The following MACF1 variants were observed in gnomAD, a reference collection of about 807,000 sequenced individuals.
MACF1 encodes the protein microtubule actin crosslinking factor 1, also known as microtubule-actin cross-linking factor 1.
MACF1 carries 193 observed loss-of-function variants against 854.8 expected under a neutral mutation model. The observed-to-expected ratio is 0.23, with a 90% confidence interval of 0.20 to 0.25. MACF1 has a LOEUF of 0.25. Among genes scored for constraint, MACF1 ranks in the 10% least tolerant of loss-of-function variants. The pLI, the probability that MACF1 is intolerant of heterozygous loss-of-function variation, is 1.00. For missense variants in MACF1, 7,722 were observed against 8,929.1 expected (o/e 0.86, Z 5.45); for synonymous variants, 3,185 against 3,226.7 (o/e 0.99, Z 0.44).
At chr1:39,173,353 A>AGAC (rs56293820) in intron 2 of MACF1, among the ~76,000 whole-genome samples, 1 of 142,678 alleles carries the variant, frequency 7.0e-6, no homozygotes, top group Non-Finnish European at 1.6e-5. Context: ...AAAAAAAAAA[A>AGAC]AGAAAGAAAG....
At chr1:39,413,636 TGCCCACCCCAGAGGA>T in intron 58 of MACF1, 1 of 1,548,244 alleles carries the variant, frequency 6.5e-7, no homozygotes, top group Non-Finnish European at 8.7e-7. Flanking sequence ...GCTGCTGCAG[TGCCCACCCCAGAGGA>T]GCCCGCCTCC....
At position 39,317,389 on chromosome 1, in the gene MACF1, T is replaced by C. The variant is rs1450358151; in HGVS notation, c.3764T>C (p.Ile1255Thr). The C allele has an allele frequency of 6.2e-7, 1 of 1,612,838 alleles. No individual in the cohort carries two copies. The highest frequency in any genetic ancestry group is 1.1e-5 in the South Asian group (1 of 91,008). ...CTGCAGGAGCGTTGGCACCGAGTCA[T>C]TGCCCAGCTCGAGATTCGGTGAGTG... ...SQLQERWHRVIAQLEIRQSEL... is the reference protein window; with the variant it reads ...SQLQERWHRVTAQLEIRQSEL... The change falls in exon 29 of 101, where the codon ATT becomes ACT. Residue 1255 changes from isoleucine (I) to threonine (T), a missense_variant. Ile to Thr is a moderately conservative substitution (Grantham distance 89, BLOSUM62 -1). Around this residue, in one of 15 missense-constraint regions of MACF1, gnomAD observed 1,137 missense variants for 1,263.0 expected, o/e 0.90. Coordinates refer to ENST00000564288, the MANE Select transcript of MACF1 (RefSeq NM_001394062.1).
chr1:39,250,680 C>T (rs1184161971), intron 3 of MACF1, among the ~76,000 whole-genome samples: 3 of 151,954 alleles, frequency 2.0e-5, no homozygotes, highest in African/African-American at 4.8e-5. Flanking sequence ...GGATATAGAA[C>T]ATCTGGGCTC....
At chr1:39,311,951 A>AG (rs1646309717) in intron 26 of MACF1, among the ~76,000 whole-genome samples, 1 of 152,182 alleles carries the variant, frequency 6.6e-6, no homozygotes, top group Non-Finnish European at 1.5e-5. Context: ...GAAGAGTGAG[A>AG]GGGAAGTATG....
chr1:39,388,193 G>A lies in MACF1; in HGVS notation c.15351G>A (p.Lys5117=), dbSNP rs1441747236. 4 of 1,614,062 alleles carry A rather than the reference G, an allele frequency of 2.5e-6. No homozygotes were observed. Among genetic ancestry groups the A allele is most frequent in the Non-Finnish European group, 3.4e-6 (4 of 1,180,052 alleles). Reference sequence around the variant, plus strand: ...GTGGTTGTGTGATGATGGAAAACAAGCTGGAGGGGATTGGCCAGTTTCACT... The same window carrying A: ...GTGGTTGTGTGATGATGGAAAACAAACTGGAGGGGATTGGCCAGTTTCACT... ...VNSGCVMMEN[K]LEGIGQFHCR... Residue 5117 remains lysine, a synonymous_variant, in exon 58 of 101, where the codon AAG becomes AAA. Coordinates refer to ENST00000564288, the MANE Select transcript of MACF1 (RefSeq NM_001394062.1).
rs754113562 is a variant in MACF1 at position 39,412,477 on chromosome 1, C to T, written c.15817-9897C>T. On this transcript the variant is annotated intron_variant, in intron 58 of 100. Coordinates refer to ENST00000564288, the MANE Select transcript of MACF1 (RefSeq NM_001394062.1). ...ACTTTTGGAGGATCAAGCTCCAGCACATTTCCACAGAAACTTCCCAGAGCA... is the reference window on the plus strand; with the variant it reads ...ACTTTTGGAGGATCAAGCTCCAGCATATTTCCACAGAAACTTCCCAGAGCA... The T allele has an allele frequency of 7.4e-6, 12 of 1,613,940 alleles. No individual in the cohort carries two copies. The Admixed American group carries it at 1.2e-4, about 16-fold the overall frequency.
intron 1 of MACF1, among the ~76,000 whole-genome samples, chr1:39,218,528 C>G (rs540410527): frequency 3.3e-5 from 5 of 152,058 alleles, no homozygotes; most frequent in Non-Finnish European, 7.4e-5. Flanking sequence ...TTAAAACTCT[C>G]TCTTTGTATT....
intron 42 of MACF1, 115 bp downstream of exon 42, chr1:39,349,742 C>T (rs1481656509): frequency 6.6e-6 from 7 of 1,062,090 alleles, no homozygotes; most frequent in East Asian, 2.7e-5. Context: ...AGGCAATCCT[C>T]CCACCTCAGC....
chr1:39,236,648 A>G (rs1215932192), intron 2 of MACF1, among the ~76,000 whole-genome samples: 1 of 152,170 alleles, frequency 6.6e-6, no homozygotes, highest in Non-Finnish European at 1.5e-5. Flanking sequence ...AGTAAGGAGA[A>G]AAGAAATTGT....
intron 58 of MACF1, among the ~76,000 whole-genome samples, chr1:39,417,400 G>A (rs1416152721): frequency 6.6e-6 from 1 of 152,150 alleles, no homozygotes; most frequent in Non-Finnish European, 1.5e-5. Context: ...AATTTGCCAA[G>A]GGAGTCTTTT....
chr1:39,291,682 A>G (rs1035171718), intron 15 of MACF1, among the ~76,000 whole-genome samples: 2 of 152,214 alleles, frequency 1.3e-5, no homozygotes, highest in African/African-American at 4.8e-5. Flanking sequence ...CTAATAATGC[A>G]GCAGCAAAAG....
intron 61 of MACF1, 144 bp from the exon 62 acceptor site, chr1:39,427,311 C>A: frequency 1.6e-6 from 1 of 607,852 alleles, no homozygotes. Context: ...TTTAAAACAT[C>A]GAAATGCTAC....
intron 97 of MACF1, among the ~76,000 whole-genome samples, chr1:39,479,426 CAT>C (rs1434116740): frequency 6.6e-6 from 1 of 152,160 alleles, no homozygotes; most frequent in African/African-American, 2.4e-5. Flanking sequence ...AAAAAGTACA[CAT>C]GTACTAAGAG....
intron 40 of MACF1, among the ~76,000 whole-genome samples, chr1:39,343,055 T>C (rs1463236189): frequency 6.6e-6 from 1 of 152,196 alleles, no homozygotes; most frequent in African/African-American, 2.4e-5. Flanking sequence ...GTTGCTTTTC[T>C]TCTTCTTAAG....
At chr1:39,319,216 G>C (rs72661956) in intron 30 of MACF1, among the ~76,000 whole-genome samples, 19,480 of 152,034 alleles carry the variant, frequency 0.13, 1,555 homozygotes, top group East Asian at 0.17. Flanking sequence ...TCGTTGCTAG[G>C]ATTAACTGAA....
At chr1:39,475,810 T>A (rs971564907) in intron 97 of MACF1, among the ~76,000 whole-genome samples, 2 of 152,106 alleles carry the variant, frequency 1.3e-5, no homozygotes, top group African/African-American at 2.4e-5. Context: ...TGGAGTTGGG[T>A]GTGACTATAA....
intron 2 of MACF1, among the ~76,000 whole-genome samples, chr1:39,182,510 G>A (rs1036162529): frequency 6.6e-6 from 1 of 151,986 alleles, no homozygotes; most frequent in Non-Finnish European, 1.5e-5. Flanking sequence ...GAACTCAACA[G>A]TAAAAAGAAA....
At chr1:39,232,646 G>T (rs975114708) in intron 2 of MACF1, among the ~76,000 whole-genome samples, 1 of 151,862 alleles carries the variant, frequency 6.6e-6, no homozygotes, top group African/African-American at 2.4e-5. Flanking sequence ...AACATAAGTA[G>T]AAATGGATAT....
intron 2 of MACF1, among the ~76,000 whole-genome samples, chr1:39,247,673 G>A (rs1274455053): frequency 6.6e-6 from 1 of 152,196 alleles, no homozygotes; most frequent in Non-Finnish European, 1.5e-5. Context: ...TGAGTTAGAT[G>A]TCTTGTTTTG....
Sources: allele counts gnomAD v4.1 joint callset (sites outside exome capture counted in the v4.1 genomes callset), GRCh38; gene constraint gnomAD v4.1.1; regional missense constraint gnomAD v4.1.1; transcripts MANE v1.5; gene names NCBI Gene and HGNC (gene_info 2026-07-23, HGNC 2026-07-21).